Variants in PCDHGA9 observed in about 807,000 individuals in gnomAD.
The protein encoded by PCDHGA9 is protocadherin gamma subfamily A, 9, also known as protocadherin gamma-A9.
In PCDHGA9, 37 loss-of-function variants were observed where a neutral mutation model predicts 62.5. The ratio of observed to expected loss-of-function variants is 0.59; its 90% CI spans 0.46 to 0.78. PCDHGA9 has a LOEUF of 0.78. Ranked by LOEUF, PCDHGA9 falls within the 30% of genes least tolerant of loss-of-function variation. The probability of loss-of-function intolerance (pLI) is 0.00; values close to 1 mark genes in which losing one functional copy is unlikely to be tolerated. For synonymous variants in PCDHGA9, 459 were observed against 484.6 expected, an observed-to-expected ratio of 0.95 and a Z score of 0.69; for missense variants, 1,138 against 1,166.2, an observed-to-expected ratio of 0.98 and a Z score of 0.35.
At chr5:141,421,388 G>T in intron 1 of PCDHGA9, 17 of 1,614,052 alleles carry the variant, frequency 1.1e-5, no homozygotes, top group Non-Finnish European at 1.4e-5. Flanking sequence ...AAGGACCTGG[G>T]GCTGGAGCCC....
At chr5:141,419,151 C>A in intron 1 of PCDHGA9, 1 of 1,613,918 alleles carries the variant, frequency 6.2e-7, no homozygotes. Context: ...GGCAAGCCTC[C>A]GTTATCCTCC....
intron 1 of PCDHGA9, chr5:141,412,884 G>A: frequency 3.2e-6 from 1 of 311,540 alleles, no homozygotes. Flanking sequence ...TAATCCAACA[G>A]AATAGTTTAC....
intron 1 of PCDHGA9, chr5:141,422,849 C>A: frequency 1.2e-6 from 2 of 1,614,238 alleles, no homozygotes; most frequent in Non-Finnish European, 8.5e-7. Context: ...AGCGGGGACC[C>A]GCCCCTCAGC....
intron 1 of PCDHGA9, chr5:141,418,309 G>A (rs756375907): frequency 6.2e-7 from 1 of 1,614,008 alleles, no homozygotes; most frequent in South Asian, 1.1e-5. Flanking sequence ...GCCTGGGGAT[G>A]GGAACAATTC....
chr5:141,424,556 G>C (rs2096828013), intron 1 of PCDHGA9: 1 of 152,128 alleles, frequency 6.6e-6, no homozygotes, highest in South Asian at 2.1e-4. Context: ...TTGATTCAGT[G>C]CTTCTCAAAA....
chr5:141,463,373 GTCTGAAAGTT>G (rs1463437299), intron 1 of PCDHGA9, among the ~76,000 whole-genome samples: 1 of 147,058 alleles, frequency 6.8e-6, no homozygotes, highest in Non-Finnish European at 1.5e-5. Context: ...CTGCCCCACA[GTCTGAAAGTT>G]GTCTCCAGGC....
At chr5:141,430,986 C>G (rs549700048) in intron 1 of PCDHGA9, 1 of 1,613,762 alleles carries the variant, frequency 6.2e-7, no homozygotes, top group African/African-American at 1.3e-5. Context: ...CAGCTTTTCG[C>G]CCTGAATCCG....
Position 141,418,027 on chromosome 5 carries a change from T to A in PCDHGA9, c.2424+12651T>A, listed in dbSNP as rs536104184. 2.4e-5 allele frequency: 38 copies of A among 1,613,808 alleles called. 1 individual carries two copies. In the South Asian group the frequency reaches 4.2e-4, roughly 18 times the overall value. ...GGAACCTCGCTAAGGATCTAGGGCT[T>A]AGTGTCCTGGATGTGTCGGCTCGCG... On this transcript the variant is annotated intron_variant, in intron 1 of 3. Coordinates refer to ENST00000573521, the MANE Select transcript of PCDHGA9 (RefSeq NM_018921.3).
intron 1 of PCDHGA9, among the ~76,000 whole-genome samples, chr5:141,456,640 TG>T (rs1258175023): frequency 6.6e-6 from 1 of 152,130 alleles, no homozygotes; most frequent in Non-Finnish European, 1.5e-5. Flanking sequence ...TTACTACAGG[TG>T]TTAATCCCAA....
intron 1 of PCDHGA9, among the ~76,000 whole-genome samples, chr5:141,450,047 C>T (rs2098667027): frequency 2.2e-5 from 3 of 136,836 alleles, no homozygotes; most frequent in African/African-American, 8.5e-5. Flanking sequence ...CACTCTTTCG[C>T]CCAGGCTGGA....
intron 1 of PCDHGA9, among the ~76,000 whole-genome samples, chr5:141,470,483 G>T (rs1163257164): frequency 6.6e-6 from 1 of 152,112 alleles, no homozygotes; most frequent in African/African-American, 2.4e-5. Context: ...CTAACCCTCT[G>T]GGAATAATAT....
intron 1 of PCDHGA9, chr5:141,418,432 T>C (rs954268296): frequency 1.9e-6 from 3 of 1,613,838 alleles, no homozygotes; most frequent in African/African-American, 1.3e-5. Context: ...GTGGCAAATA[T>C]CCAGAATTAG....
At chr5:141,478,333 G>C in intron 1 of PCDHGA9, 5 of 1,613,928 alleles carry the variant, frequency 3.1e-6, no homozygotes, top group Non-Finnish European at 4.2e-6. Flanking sequence ...GAACACCAGG[G>C]CCCTCCTTGC....
Position 141,432,726 on chromosome 5 carries a change from C to T in PCDHGA9, c.2424+27350C>T, listed in dbSNP as rs777248611. The T allele has an allele frequency of 3.1e-6, 5 of 1,614,092 alleles. No homozygotes were observed. Among genetic ancestry groups the T allele is most frequent in the Non-Finnish European group, 3.4e-6 (4 of 1,179,998 alleles). On this transcript the variant is annotated intron_variant, in intron 1 of 3. Coordinates refer to ENST00000573521, the MANE Select transcript of PCDHGA9 (RefSeq NM_018921.3). This position sits in a 1 kb window ranked among gnomAD's most constrained non-coding sequence, Gnocchi z 6.0. ...GACCACGGCCAGCCCCCTCTCTCCG[C>T]CACTGTCACGCTCACCGTGGCCGTG...
At chr5:141,503,479 G>A (rs1203644194) in intron 2 of PCDHGA9, among the ~76,000 whole-genome samples, 5 of 151,616 alleles carry the variant, frequency 3.3e-5, no homozygotes, top group African/African-American at 9.7e-5. Context: ...TGCACTTGTC[G>A]TCCCAGCTGC....
intron 3 of PCDHGA9, among the ~76,000 whole-genome samples, chr5:141,509,164 C>A (rs1454864362): frequency 6.6e-6 from 1 of 152,188 alleles, no homozygotes; most frequent in Non-Finnish European, 1.5e-5. Context: ...TCCCGTGTGC[C>A]CTCCTCCTCT....
At chr5:141,415,083 G>T (rs747351388) in intron 1 of PCDHGA9, 1 of 1,613,514 alleles carries the variant, frequency 6.2e-7, no homozygotes. Context: ...CGCGAGCCCT[G>T]CTGGACAGAG....
intron 1 of PCDHGA9, chr5:141,407,994 C>T (rs1449634415): frequency 1.0e-5 from 9 of 858,436 alleles, no homozygotes; most frequent in African/African-American, 1.7e-5. Flanking sequence ...CAGCCTCTGG[C>T]CTGGGATTCC....
At chr5:141,484,801 A>G (rs1285617622) in intron 1 of PCDHGA9, among the ~76,000 whole-genome samples, 3 of 152,024 alleles carry the variant, frequency 2.0e-5, no homozygotes, top group African/African-American at 7.2e-5. Flanking sequence ...CAACCCGTGG[A>G]AAAACATGCC....
Sources: gnomAD v4.1 joint callset for allele counts (sites outside exome capture counted in the v4.1 genomes callset) on GRCh38, gnomAD v4.1.1 for gene constraint, Gnocchi (gnomAD v3.1) non-coding constraint, MANE v1.5 for transcripts, NCBI Gene and HGNC (gene_info 2026-07-23, HGNC 2026-07-21) for gene names.